Variants in PICALM observed in about 807,000 individuals in gnomAD.
The protein encoded by PICALM is phosphatidylinositol-binding clathrin assembly protein.
In PICALM, 40 loss-of-function variants were observed where a neutral mutation model predicts 80.5. The observed-to-expected ratio is 0.50, with a 90% confidence interval of 0.39 to 0.65. The LOEUF (loss-of-function observed/expected upper bound fraction) is 0.65. PICALM is among the 30% of genes least tolerant of loss of function. The pLI is 0.00. For synonymous variants in PICALM, 288 were observed against 260.3 expected (o/e 1.11, Z -1.02); for missense variants, 676 against 778.9 (o/e 0.87, Z 1.57).
At chr11:85,990,665 T>C (rs1217318529) in intron 12 of PICALM, among the ~76,000 whole-genome samples, 1 of 152,186 alleles carries the variant, frequency 6.6e-6, no homozygotes, top group Non-Finnish European at 1.5e-5. Flanking sequence ...AATGGAATAA[T>C]AACCAAGATG....
intron 2 of PICALM, among the ~76,000 whole-genome samples, chr11:86,029,091 G>C (rs867385909): frequency 5.9e-5 from 9 of 152,112 alleles, no homozygotes; most frequent in Middle Eastern, 3.4e-3. Flanking sequence ...CACCCACCTT[G>C]GCCTCCCAAA....
rs769559663 is a variant in PICALM, at chr11:85,957,686, T to C, written c.*1360A>G. ...AGACCAGAATACCATAACAAAACTT[T>C]TGTGGAAGCTGCATTTTATTTGAAA... is the stretch of plus-strand genomic sequence containing the variant. On this transcript the variant is annotated 3_prime_UTR_variant, in exon 20 of 20. Transcript: ENST00000393346. 7 of 201,092 alleles carry C rather than the reference T, an allele frequency of 3.5e-5. No individual in the cohort carries two copies. The highest frequency in any genetic ancestry group is 2.3e-5 in the African/African-American group (1 of 43,576). 12.5% of individuals were successfully genotyped at this position (201,092 alleles called of 1,614,324 possible).
intron 1 of PICALM, among the ~76,000 whole-genome samples, chr11:86,032,495 G>A (rs928229984): frequency 2.6e-5 from 4 of 151,962 alleles, no homozygotes; most frequent in African/African-American, 9.7e-5. Context: ...GCTTGGTGGC[G>A]GGCATGGGTA....
Position 85,961,699 on chromosome 11 carries a change from T to A in PICALM, c.1945-2639A>T, listed in dbSNP as rs549735131. Among the ~76,000 whole-genome samples, 13 of 152,304 alleles carry A rather than the reference T, an allele frequency of 8.5e-5. No homozygotes were observed. In the South Asian group the frequency reaches 2.7e-3, roughly 32 times the overall value. ...CCTCTGTATAAGATTGCAAAGCATA[T>A]AAGCACAGGACTATTACAAAATGAG... On this transcript the variant is annotated intron_variant, in intron 19 of 19. Coordinates refer to ENST00000393346, the MANE Select transcript of PICALM (RefSeq NM_007166.4).
At chr11:85,976,510 T>TA in intron 18 of PICALM, 113 bp downstream of exon 18, 1 of 669,552 alleles carries the variant, frequency 1.5e-6, no homozygotes, top group South Asian at 1.7e-5. Context: ...CATTAGGCAC[T>TA]AGGGCTAGGA....
chr11:85,991,088 T>C (rs559146122), intron 12 of PICALM, among the ~76,000 whole-genome samples: 1 of 152,208 alleles, frequency 6.6e-6, no homozygotes, highest in South Asian at 2.1e-4. Flanking sequence ...ATATGTATTA[T>C]ATCAAATCCT....
chr11:86,018,104 G>T (rs1275202395), intron 4 of PICALM, among the ~76,000 whole-genome samples: 1 of 152,090 alleles, frequency 6.6e-6, no homozygotes, highest in African/African-American at 2.4e-5. Context: ...TCATCTAATT[G>T]GTGTGAAGCT....
At chr11:85,966,272 T>A (rs571629955) in intron 19 of PICALM, among the ~76,000 whole-genome samples, 1 of 152,166 alleles carries the variant, frequency 6.6e-6, no homozygotes, top group African/African-American at 2.4e-5. Flanking sequence ...AGTGGTGTGA[T>A]CATTGCTAAC....
At chr11:86,030,361 A>G (rs1410818959) in intron 2 of PICALM, among the ~76,000 whole-genome samples, 3 of 152,248 alleles carry the variant, frequency 2.0e-5, no homozygotes, top group Non-Finnish European at 4.4e-5. Context: ...TTCAATACTG[A>G]AAAGCCCAAA....
At chr11:86,036,488 A>G (rs1045431821) in intron 1 of PICALM, among the ~76,000 whole-genome samples, 4 of 152,226 alleles carry the variant, frequency 2.6e-5, no homozygotes, top group Non-Finnish European at 4.4e-5. Context: ...TCTAACCAAC[A>G]TAATTGGACT....
intron 2 of PICALM, among the ~76,000 whole-genome samples, chr11:86,028,125 T>C (rs1432419568): frequency 6.6e-6 from 1 of 152,236 alleles, no homozygotes; most frequent in Admixed American, 6.5e-5. Flanking sequence ...GTTCATTATA[T>C]TTAGCTGCAA....
At chr11:86,050,041 A>C (rs1485411709) in intron 1 of PICALM, among the ~76,000 whole-genome samples, 1 of 151,378 alleles carries the variant, frequency 6.6e-6, no homozygotes, top group Non-Finnish European at 1.5e-5. Context: ...CTCTACTAAA[A>C]ATAAAATACA....
At chr11:86,045,759 C>T (rs1441335116) in intron 1 of PICALM, among the ~76,000 whole-genome samples, 1 of 151,928 alleles carries the variant, frequency 6.6e-6, no homozygotes, top group Non-Finnish European at 1.5e-5. Context: ...GTATCTTTAT[C>T]CTGGCTTGTG....
rs143225800 is a variant in PICALM, at chr11:86,065,219, G to A, written c.130+3432C>T. On this transcript the variant is annotated intron_variant, in intron 1 of 19. Coordinates refer to ENST00000393346, the MANE Select transcript of PICALM (RefSeq NM_007166.4). ...TCCCAGCCCTTTGGGAGGCCGAGGC[G>A]GGCGAATCATGTGGTCAAGAGATCC... is the stretch of plus-strand genomic sequence containing the variant. Among the ~76,000 whole-genome samples, 1,307 of 152,230 alleles carry A rather than the reference G, an allele frequency of 8.6e-3. 24 individuals carry two copies. The highest frequency in any genetic ancestry group is 0.028 in the African/African-American group (1,173 of 41,556).
intron 17 of PICALM, 47 bp downstream of exon 17, chr11:85,981,082 A>G: frequency 4.6e-6 from 4 of 870,782 alleles, no homozygotes; most frequent in Non-Finnish European, 7.8e-6. Context: ...TTACATATTT[A>G]ACTAAATTAT....
chr11:86,045,365 A>G (rs1255434099), intron 1 of PICALM, among the ~76,000 whole-genome samples: 1 of 151,918 alleles, frequency 6.6e-6, no homozygotes, highest in Non-Finnish European at 1.5e-5. Flanking sequence ...AGAAGGGTAC[A>G]GTGGTATGCA....
chr11:86,023,733 AG>A (rs2095603996), intron 3 of PICALM, among the ~76,000 whole-genome samples: 1 of 152,208 alleles, frequency 6.6e-6, no homozygotes, highest in African/African-American at 2.4e-5. Flanking sequence ...TGAATGAGGG[AG>A]GAAGTGAAAA....
At chr11:86,061,930 GA>G (rs1048178409) in intron 1 of PICALM, among the ~76,000 whole-genome samples, 20 of 141,964 alleles carry the variant, frequency 1.4e-4, no homozygotes, top group African/African-American at 3.1e-4. Flanking sequence ...AAGTGCAAAA[GA>G]AAAAAAAAAG....
chr11:86,020,424 G>GAAAAA (rs34312370), intron 4 of PICALM, among the ~76,000 whole-genome samples: 17 of 94,202 alleles, frequency 1.8e-4, no homozygotes, highest in Non-Finnish European at 2.7e-4. Context: ...ACAATCTTGG[G>GAAAAA]AAAAAAAAAA....
Sources: gnomAD v4.1 joint callset for allele counts (sites outside exome capture counted in the v4.1 genomes callset) on GRCh38, gnomAD v4.1.1 for gene constraint, MANE v1.5 for transcripts, NCBI Gene and HGNC (gene_info 2026-07-23, HGNC 2026-07-21) for gene names.